Variants in CDKL3 observed in about 807,000 individuals in gnomAD.
CDKL3 encodes cyclin dependent kinase like 3.
Under a neutral mutation model 69.3 loss-of-function variants are expected in CDKL3, and 65 were observed. That is an observed-to-expected ratio of 0.94 (90% CI 0.77 to 1.15). The LOEUF is 1.15. CDKL3 is among the 50% of genes most tolerant of loss of function. CDKL3 has a pLI of 0.00. For missense variants in CDKL3, 652 were observed against 689.2 expected, an observed-to-expected ratio of 0.95 and a Z score of 0.61; for synonymous variants, 202 against 221.6, an observed-to-expected ratio of 0.91 and a Z score of 0.79.
chr5:134,303,674 C>CA (rs1389018940), intron 11 of CDKL3, among the ~76,000 whole-genome samples: 2 of 151,120 alleles, frequency 1.3e-5, no homozygotes, highest in Non-Finnish European at 3.0e-5. Context: ...TGGAACCCCC[C>CA]CCCCGTCTCT....
intron 3 of CDKL3, among the ~76,000 whole-genome samples, chr5:134,352,516 G>C (rs1473306436): frequency 6.6e-6 from 1 of 151,910 alleles, no homozygotes. Context: ...GTCCAGGCTG[G>C]TCTCAAACTC....
intron 6 of CDKL3, among the ~76,000 whole-genome samples, chr5:134,318,603 A>G (rs2149478551): frequency 6.6e-6 from 1 of 152,148 alleles, no homozygotes; most frequent in African/African-American, 2.4e-5. Context: ...CTCCTGCCTC[A>G]GCCTCCTGCG....
chr5:134,291,504 C>G (rs1395833118), intron 8 of CDKL3, among the ~76,000 whole-genome samples: 3 of 152,196 alleles, frequency 2.0e-5, no homozygotes, highest in Non-Finnish European at 2.9e-5. Context: ...GGGACAGTGG[C>G]TTACGCCTGT....
At chr5:134,340,732 C>T (rs1311661432) in intron 4 of CDKL3, among the ~76,000 whole-genome samples, 1 of 151,962 alleles carries the variant, frequency 6.6e-6, no homozygotes, top group Non-Finnish European at 1.5e-5. Flanking sequence ...AAAAAACTAC[C>T]CGCAAAGAAA....
At chr5:134,308,519 TAG>T (rs1271894993) in intron 8 of CDKL3, 53 bp from the exon 9 acceptor site, 9 of 1,553,596 alleles carry the variant, frequency 5.8e-6, no homozygotes, top group African/African-American at 4.1e-5. Flanking sequence ...TTTTTGTCAT[TAG>T]AGTCTAACTA....
rs1212709645 is a variant in CDKL3, at chr5:134,290,353, CAAAAAAA to C, written c.*678-3801_*678-3795del. Among the ~76,000 whole-genome samples, 35 of 24,786 alleles carry C rather than the reference CAAAAAAA, an allele frequency of 1.4e-3. 1 individual carries two copies. The highest frequency in any genetic ancestry group is 0.01 in the South Asian group (5 of 498). The allele number at this position is 24,786 out of a possible 152,430, so 16.3% of individuals were successfully genotyped here. A position where few individuals can be genotyped will look rare whatever the true frequency, so the allele number is the denominator to read the frequency against. ...CTGGTGACAGAGTGAGACTCTGTCTCAAAAAAAAAAAAAAAAAAAAAAAAAGGGTTTG... is the reference window on the plus strand; with the variant it reads ...CTGGTGACAGAGTGAGACTCTGTCTCAAAAAAAAAAAAAAAAAAGGGTTTG... On this transcript the variant is annotated intron_variant and NMD_transcript_variant, in intron 8 of 8. Transcript: ENST00000519312.
intron 3 of CDKL3, among the ~76,000 whole-genome samples, chr5:134,355,961 G>A (rs1754504736): frequency 6.6e-6 from 1 of 152,194 alleles, no homozygotes; most frequent in African/African-American, 2.4e-5. Flanking sequence ...ATGGAAGACA[G>A]TTTTTCTATG....
rs1456825740 is a variant in CDKL3, at chr5:134,298,546, T to C, written c.*105A>G. 1.1e-5 allele frequency: 17 copies of C among 1,489,980 alleles called. No homozygotes were observed. The highest frequency in any genetic ancestry group is 1.5e-5 in the Non-Finnish European group (17 of 1,123,450). 92.3% of individuals were successfully genotyped at this position (1,489,980 alleles called of 1,614,324 possible). ...AAAAGCTGGATGATGCTCATGCACA[T>C]GGATGGCTGTCTTAACAACAACTCA... On this transcript the variant is annotated 3_prime_UTR_variant, in exon 13 of 13. Transcript: ENST00000265334.
chr5:134,304,281 G>T (rs2149428654), intron 11 of CDKL3, 124 bp downstream of exon 11: 2 of 739,510 alleles, frequency 2.7e-6, no homozygotes, highest in Non-Finnish European at 4.2e-6. Flanking sequence ...CTCATCAGCT[G>T]AAATGTTTTC....
At chr5:134,325,353 G>A (rs1019957251) in intron 4 of CDKL3, among the ~76,000 whole-genome samples, 1 of 152,148 alleles carries the variant, frequency 6.6e-6, no homozygotes, top group East Asian at 1.9e-4. Flanking sequence ...CAGTTTTTCA[G>A]ATCTACATTA....
chr5:134,333,468 T>C (rs1353075101), intron 4 of CDKL3, among the ~76,000 whole-genome samples: 16 of 152,172 alleles, frequency 1.1e-4, no homozygotes, highest in Non-Finnish European at 2.4e-4. Context: ...TAAATAGCTC[T>C]TATTTTGAGA....
chr5:134,333,703 G>C (rs1049792594), intron 4 of CDKL3, among the ~76,000 whole-genome samples: 13 of 152,196 alleles, frequency 8.5e-5, no homozygotes, highest in African/African-American at 1.9e-4. Flanking sequence ...TGTGCTGCTG[G>C]ATTTGGTTTG....
rs118108496 is a variant in CDKL3, at chr5:134,307,516, G to C, written c.1364+622C>G. ...CAAACCAGTCTGCTAGAATCCTCTT[G>C]GGCTAATGAACCCAGTCTCCTCCCC... is the stretch of plus-strand genomic sequence containing the variant. On this transcript the variant is annotated intron_variant, in intron 9 of 12. Transcript: ENST00000265334. 4.7e-3 allele frequency among the ~76,000 whole-genome samples: 712 copies of C among 152,186 alleles called. 10 individuals carry two copies. The highest frequency in any genetic ancestry group is 0.034 in the East Asian group (178 of 5,174).
intron 3 of CDKL3, among the ~76,000 whole-genome samples, chr5:134,357,327 C>A (rs1754867613): frequency 6.6e-6 from 1 of 152,056 alleles, no homozygotes; most frequent in Non-Finnish European, 1.5e-5. Context: ...ACCTGTAAAC[C>A]CAGTTACTTG....
intron 2 of CDKL3, 119 bp downstream of exon 2, chr5:134,366,240 A>G (rs1757402071): frequency 1.5e-6 from 1 of 677,806 alleles, no homozygotes; most frequent in South Asian, 2.1e-5. Context: ...AAGATAGAGT[A>G]TTACACTTGT....
intron 6 of CDKL3, among the ~76,000 whole-genome samples, chr5:134,316,244 C>T (rs1771025457): frequency 2.0e-5 from 3 of 152,086 alleles, no homozygotes; most frequent in South Asian, 2.1e-4. Flanking sequence ...GAGCCCCTGC[C>T]CCCGGACCAC....
intron 10 of CDKL3, 42 bp downstream of exon 10, chr5:134,306,567 G>T (rs775945416): frequency 2.6e-6 from 3 of 1,136,242 alleles, no homozygotes; most frequent in Admixed American, 3.9e-5. Context: ...AAGAAGTAAT[G>T]TTAAAAGAGG....
intron 4 of CDKL3, among the ~76,000 whole-genome samples, chr5:134,343,469 C>G (rs1403556584): frequency 6.6e-6 from 1 of 152,156 alleles, no homozygotes; most frequent in Non-Finnish European, 1.5e-5. Flanking sequence ...CAGTAACAAC[C>G]CTTTCCCAAA....
At chr5:134,369,314 GT>G (rs1235793100), upstream of CDKL3, among the ~76,000 whole-genome samples, 1 of 152,132 alleles carries the variant, frequency 6.6e-6, no homozygotes, top group Non-Finnish European at 1.5e-5. Flanking sequence ...AATCCCTGTA[GT>G]CTCTGAATTC....
Sources: allele counts gnomAD v4.1 joint callset (sites outside exome capture counted in the v4.1 genomes callset), GRCh38; gene constraint gnomAD v4.1.1; transcripts MANE v1.5; gene names NCBI Gene and HGNC (gene_info 2026-07-23, HGNC 2026-07-21).